The following NMNAT3 variants were observed in gnomAD, a reference collection of about 807,000 sequenced individuals.
NMNAT3 encodes nicotinamide nucleotide adenylyltransferase 3.
In NMNAT3, 21 loss-of-function variants were observed where a neutral mutation model predicts 24.8. That is an observed-to-expected ratio of 0.85 (90% CI 0.60 to 1.22). NMNAT3 has a LOEUF of 1.22. NMNAT3 is among the 50% of genes most tolerant of loss of function. The pLI is 0.00. For missense variants in NMNAT3, 387 were observed against 436.6 expected, an observed-to-expected ratio of 0.89 and a Z score of 1.01; for synonymous variants, 136 against 155.2, an observed-to-expected ratio of 0.88 and a Z score of 0.92.
chr3:139,664,759 A>G (rs931291790), intron 1 of NMNAT3, among the ~76,000 whole-genome samples: 1 of 152,206 alleles, frequency 6.6e-6, no homozygotes. Context: ...TCCCCCAGAA[A>G]GCCTTCTTTA....
At chr3:139,649,035 G>A (rs943212690) in intron 1 of NMNAT3, among the ~76,000 whole-genome samples, 2 of 152,162 alleles carry the variant, frequency 1.3e-5, no homozygotes, top group African/African-American at 2.4e-5. Context: ...TGTTGAGGGG[G>A]TGGTAAGAAG....
rs577539937 is a variant in NMNAT3 at position 139,606,822 on chromosome 3, G to T, written c.109+20794C>A. ...ATGGGTACTTATTTTATTCTGTGGG[G>T]TGTAATCCCTTCTCATTATGTATTT... is the stretch of plus-strand genomic sequence containing the variant. On this transcript the variant is annotated intron_variant, in intron 3 of 6. Transcript: ENST00000643695. Among the ~76,000 whole-genome samples, 7 of 152,136 alleles carry T rather than the reference G, an allele frequency of 4.6e-5. No homozygotes were observed. The South Asian group carries it at 1.5e-3, about 32-fold the overall frequency.
At chr3:139,674,506 T>G (rs970131302) in intron 1 of NMNAT3, among the ~76,000 whole-genome samples, 2 of 152,198 alleles carry the variant, frequency 1.3e-5, no homozygotes, top group Non-Finnish European at 2.9e-5. Context: ...ATTTAAGAGC[T>G]TTGACAGCTC....
intron 1 of NMNAT3, among the ~76,000 whole-genome samples, chr3:139,672,325 A>T (rs1432743618): frequency 6.6e-6 from 1 of 152,202 alleles, no homozygotes; most frequent in Admixed American, 6.5e-5. Context: ...CAGGAAGAAG[A>T]TTGGCTCTAA....
intron 6 of NMNAT3, among the ~76,000 whole-genome samples, chr3:139,562,326 G>A (rs1438685293): frequency 6.6e-6 from 1 of 152,180 alleles, no homozygotes; most frequent in Non-Finnish European, 1.5e-5. Flanking sequence ...TTATACTGGA[G>A]AAGCCCTTCC....
chr3:139,596,883 G>T (rs2054484728), intron 3 of NMNAT3, among the ~76,000 whole-genome samples: 1 of 126,172 alleles, frequency 7.9e-6, no homozygotes, highest in Non-Finnish European at 1.7e-5. Context: ...CTTGTGAATG[G>T]GATCTTTTTT....
chr3:139,585,567 G>A (rs917373478), intron 3 of NMNAT3, among the ~76,000 whole-genome samples: 59 of 152,160 alleles, frequency 3.9e-4, no homozygotes, highest in African/African-American at 1.4e-3. Context: ...AGTTATTTGT[G>A]AAAGATCCTC....
At chr3:139,645,232 A>G (rs1431940437) in intron 1 of NMNAT3, among the ~76,000 whole-genome samples, 1 of 152,128 alleles carries the variant, frequency 6.6e-6, no homozygotes, top group Non-Finnish European at 1.5e-5. Context: ...TACAGCTACC[A>G]GAAGCAGTAG....
intron 1 of NMNAT3, among the ~76,000 whole-genome samples, chr3:139,658,865 CCT>C (rs2057327878): frequency 2.1e-5 from 3 of 142,722 alleles, no homozygotes; most frequent in African/African-American, 5.3e-5. Context: ...AACTCCAACC[CCT>C]CTCAACATAT....
At chr3:139,619,333 G>C (rs2055655328) in intron 3 of NMNAT3, among the ~76,000 whole-genome samples, 1 of 152,106 alleles carries the variant, frequency 6.6e-6, no homozygotes, top group African/African-American at 2.4e-5. Context: ...AGGGAGGGAG[G>C]ACTGAAAATA....
chr3:139,656,718 CGAGGTT>C (rs1055508712), intron 1 of NMNAT3, among the ~76,000 whole-genome samples: 9 of 152,194 alleles, frequency 5.9e-5, no homozygotes, highest in African/African-American at 2.2e-4. Flanking sequence ...CTTGAGCCCA[CGAGGTT>C]GAGGTTGCAG....
At chr3:139,599,001 C>T in intron 3 of NMNAT3, 1 of 313,400 alleles carries the variant, frequency 3.2e-6, no homozygotes, top group Non-Finnish European at 5.9e-6. Flanking sequence ...GGAAAAACTG[C>T]CCCTTCTAGA....
intron 4 of NMNAT3, chr3:139,582,796 A>C (rs1255737481): frequency 2.2e-6 from 1 of 448,266 alleles, no homozygotes; most frequent in East Asian, 3.5e-5. Flanking sequence ...GAAATAGAGA[A>C]ATAAAGTAAA....
At chr3:139,609,264 G>A (rs1283748914) in intron 3 of NMNAT3, among the ~76,000 whole-genome samples, 2 of 152,218 alleles carry the variant, frequency 1.3e-5, no homozygotes, top group East Asian at 3.9e-4. Flanking sequence ...GAGTGCAACT[G>A]CTGGGTCATA....
intron 1 of NMNAT3, among the ~76,000 whole-genome samples, chr3:139,665,098 A>G (rs535031241): frequency 7.4e-4 from 113 of 152,252 alleles, no homozygotes; most frequent in African/African-American, 2.5e-3. Flanking sequence ...GAACAGGACA[A>G]GCTGTCAGGG....
At chr3:139,611,884 G>A (rs1973428) in intron 3 of NMNAT3, among the ~76,000 whole-genome samples, 141,475 of 152,234 alleles carry the variant, frequency 0.93, 66,657 homozygotes, top group East Asian at 1. Context: ...ACAATAGAGG[G>A]GGGCTGGACG....
At chr3:139,603,160 C>T (rs1327100819) in intron 3 of NMNAT3, among the ~76,000 whole-genome samples, 1 of 152,186 alleles carries the variant, frequency 6.6e-6, no homozygotes, top group Non-Finnish European at 1.5e-5. Flanking sequence ...CAGACTTTTA[C>T]TGCAGATTGC....
chr3:139,582,863 T>A, intron 4 of NMNAT3: 1 of 1,052,522 alleles, frequency 9.5e-7, no homozygotes, highest in Non-Finnish European at 1.3e-6. Flanking sequence ...TCTGTAAGTT[T>A]GAAGTTTTTT....
At chr3:139,574,425 TATG>T (rs1938974407) in intron 5 of NMNAT3, among the ~76,000 whole-genome samples, 2 of 152,252 alleles carry the variant, frequency 1.3e-5, no homozygotes, top group Non-Finnish European at 2.9e-5. Flanking sequence ...GCATTTCAAA[TATG>T]ATTAGACTTT....
Sources: allele counts gnomAD v4.1 joint callset (sites outside exome capture counted in the v4.1 genomes callset), GRCh38; gene constraint gnomAD v4.1.1; transcripts MANE v1.5; gene names NCBI Gene and HGNC (gene_info 2026-07-23, HGNC 2026-07-21).